The following KIF13B variants were observed in gnomAD, a reference collection of about 807,000 sequenced individuals.
KIF13B encodes kinesin-like protein KIF13B.
KIF13B carries 127 observed loss-of-function variants against 222.0 expected under a neutral mutation model. The observed-to-expected ratio is 0.57, with a 90% confidence interval of 0.50 to 0.66. The LOEUF is 0.66. KIF13B is among the 30% of genes least tolerant of loss of function. The pLI is 0.00. For missense variants in KIF13B, 2,173 were observed against 2,379.0 expected, an observed-to-expected ratio of 0.91 and a Z score of 1.80; for synonymous variants, 976 against 919.0, an observed-to-expected ratio of 1.06 and a Z score of -1.12.
At chr8:29,251,593 G>T (rs1816283904) in intron 1 of KIF13B, among the ~76,000 whole-genome samples, 1 of 152,010 alleles carries the variant, frequency 6.6e-6, no homozygotes, top group Admixed American at 6.6e-5. Context: ...TAGAATGGGG[G>T]TTATGAGGGG....
intron 15 of KIF13B, among the ~76,000 whole-genome samples, chr8:29,148,995 A>C (rs1811184179): frequency 6.6e-6 from 1 of 152,202 alleles, no homozygotes; most frequent in African/African-American, 2.4e-5. Context: ...ACAAGCTCAG[A>C]GTGAAAGGAA....
At chr8:29,104,905 C>T (rs1051167304) in intron 35 of KIF13B, among the ~76,000 whole-genome samples, 7 of 151,754 alleles carry the variant, frequency 4.6e-5, no homozygotes, top group South Asian at 2.1e-4. Flanking sequence ...CCACCTCGCC[C>T]GGCTAATTTT....
chr8:29,250,510 CACCTA>C (rs1816236689), intron 1 of KIF13B, among the ~76,000 whole-genome samples: 1 of 152,222 alleles, frequency 6.6e-6, no homozygotes. Context: ...ATAACTAATA[CACCTA>C]ACCTAAACTC....
intron 6 of KIF13B, among the ~76,000 whole-genome samples, chr8:29,182,590 GT>G (rs59693794): frequency 0.069 from 9,990 of 144,786 alleles, 595 homozygotes; most frequent in African/African-American, 0.15. Context: ...TATTCATTAA[GT>G]TTTTTTTTTT....
intron 1 of KIF13B, among the ~76,000 whole-genome samples, chr8:29,249,694 C>T (rs1160301595): frequency 6.6e-6 from 1 of 152,162 alleles, no homozygotes; most frequent in East Asian, 1.9e-4. Flanking sequence ...AGTTATTTTA[C>T]ATTTATTCTC....
chr8:29,241,892 G>A (rs374847008), intron 2 of KIF13B, among the ~76,000 whole-genome samples: 1 of 152,000 alleles, frequency 6.6e-6, no homozygotes, highest in East Asian at 1.9e-4. Flanking sequence ...AAGAAAAAAA[G>A]TATGTTCGAG....
intron 15 of KIF13B, among the ~76,000 whole-genome samples, chr8:29,149,065 G>A (rs937476584): frequency 6.6e-6 from 1 of 152,190 alleles, no homozygotes; most frequent in African/African-American, 2.4e-5. Context: ...GAAATCATTT[G>A]AACTGAGTCT....
chr8:29,119,820 G>A (rs1441595654), intron 29 of KIF13B, among the ~76,000 whole-genome samples: 1 of 149,338 alleles, frequency 6.7e-6, no homozygotes, highest in Non-Finnish European at 1.5e-5. Context: ...GTATTATTCG[G>A]TATTATTCTC....
Position 29,167,505 on chromosome 8 carries a change from TG to T in KIF13B, c.1025del (p.Ser342Ter). 1 of 1,613,994 alleles carries T rather than the reference TG, an allele frequency of 6.2e-7. No homozygotes were observed. On this transcript the variant is annotated frameshift_variant, in exon 11 of 40. Coordinates refer to ENST00000524189, the MANE Select transcript of KIF13B (RefSeq NM_015254.4). LOFTEE classifies it high-confidence loss of function. ...PAADNYDETL[S>X]TLRYADRAKH... ...TGGCTCGATCTGCATACCGCAGAGTTGAGAGGGTTTCATCATAGTTATCAGC... is the reference window on the plus strand; with the variant it reads ...TGGCTCGATCTGCATACCGCAGAGTTAGAGGGTTTCATCATAGTTATCAGC...
rs188049458 is a variant in KIF13B at position 29,195,211 on chromosome 8, G to A, written c.162+976C>T. On this transcript the variant is annotated intron_variant, in intron 3 of 39. Transcript: ENST00000524189. ...TGCAGTGAGCCAAGATCACGCCACC[G>A]CACTCCAGCCTGAGCAAGAGCTAGA... Among the ~76,000 whole-genome samples the A allele has an allele frequency of 3.0e-3, 463 of 152,194 alleles. 3 individuals are homozygous for A. The highest frequency in any genetic ancestry group is 0.011 in the African/African-American group (438 of 41,522).
intron 16 of KIF13B, 22 bp downstream of exon 16, chr8:29,148,555 A>G: frequency 6.5e-7 from 1 of 1,540,836 alleles, no homozygotes; most frequent in Non-Finnish European, 8.8e-7. Context: ...CTGATTCTCA[A>G]GTGCACGCCC....
At chr8:29,184,050 T>A (rs900165210) in intron 6 of KIF13B, among the ~76,000 whole-genome samples, 1 of 152,188 alleles carries the variant, frequency 6.6e-6, no homozygotes, top group Non-Finnish European at 1.5e-5. Context: ...CTTATTACCA[T>A]GTAACTGGAT....
At chr8:29,232,253 ACT>A (rs1400849611) in intron 2 of KIF13B, among the ~76,000 whole-genome samples, 2 of 151,746 alleles carry the variant, frequency 1.3e-5, no homozygotes, top group South Asian at 4.2e-4. Context: ...ACAGAGTGAG[ACT>A]CTGACTAAAA....
intron 14 of KIF13B, among the ~76,000 whole-genome samples, chr8:29,151,460 G>A (rs1811294203): frequency 6.6e-6 from 1 of 152,226 alleles, no homozygotes; most frequent in Non-Finnish European, 1.5e-5. Context: ...AGAAGTCAAT[G>A]CCTGGCTTCA....
intron 14 of KIF13B, among the ~76,000 whole-genome samples, chr8:29,151,445 A>C (rs1296077319): frequency 3.3e-5 from 5 of 152,236 alleles, no homozygotes; most frequent in Non-Finnish European, 7.3e-5. Context: ...TCTTAGCTAG[A>C]GAAGAGAAGT....
Position 29,245,663 on chromosome 8 carries a change from G to C in KIF13B, c.56-224C>G, listed in dbSNP as rs183867210. On this transcript the variant is annotated intron_variant, in intron 1 of 39. Coordinates refer to ENST00000524189, the MANE Select transcript of KIF13B (RefSeq NM_015254.4). ...CTGGGCAGCTTCCCACCCTACATCA[G>C]GAATGAGACAAGGATGTCTGCTATC... 4.7e-3 allele frequency among the ~76,000 whole-genome samples: 719 copies of C among 152,248 alleles called. 7 individuals carry two copies. Among genetic ancestry groups the C allele is most frequent in the African/African-American group, 0.016 (668 of 41,544 alleles).
At chr8:29,219,746 A>AAAATAAAT (rs372012234) in intron 2 of KIF13B, among the ~76,000 whole-genome samples, 1,553 of 146,648 alleles carry the variant, frequency 0.011, 21 homozygotes, top group African/African-American at 0.029. Context: ...CCCTGTTTCC[A>AAAATAAAT]AAATAAATAA....
At chr8:29,113,581 T>C (rs1390411056) in intron 31 of KIF13B, 26 bp from the exon 32 acceptor site, 6 of 1,393,914 alleles carry the variant, frequency 4.3e-6, no homozygotes, top group East Asian at 2.4e-5. Context: ...ATAGAAGATA[T>C]GGTTTCCCAC....
intron 2 of KIF13B, among the ~76,000 whole-genome samples, chr8:29,222,770 C>T (rs1751776508): frequency 1.3e-5 from 2 of 151,970 alleles, no homozygotes; most frequent in Non-Finnish European, 2.9e-5. Context: ...GTTAATTACA[C>T]CTGCTACTGT....
Sources: allele counts gnomAD v4.1 joint callset (sites outside exome capture counted in the v4.1 genomes callset), GRCh38; gene constraint gnomAD v4.1.1; transcripts MANE v1.5; gene names NCBI Gene and HGNC (gene_info 2026-07-23, HGNC 2026-07-21).